SPDYE12: variants seen among roughly 807,000 people sequenced by gnomAD.
SPDYE12 encodes the protein speedy protein E12.
chr7:74,911,037 G>A, the SPDYE12 span: 1 of 634,372 alleles, frequency 1.6e-6, no homozygotes, highest in South Asian at 1.7e-5. Context: ...AGGGGAGAAT[G>A]ACTTTCACTG....
At chr7:74,912,770 C>CTT in the SPDYE12 span, among the ~76,000 whole-genome samples, 57 of 11,232 alleles carry the variant, frequency 5.1e-3, 5 homozygotes, top group Non-Finnish European at 7.1e-3. Flanking sequence ...TTTTTTTCTT[C>CTT]TTTTTTTTTT....
chr7:74,910,817 T>G, the SPDYE12 span: 1 of 1,088,134 alleles, frequency 9.2e-7, no homozygotes, highest in Non-Finnish European at 1.4e-6. Context: ...GGAACACAGT[T>G]ACATAGAGAA....
At chr7:74,908,111 G>C in the SPDYE12 span, among the ~76,000 whole-genome samples, 1 of 147,622 alleles carries the variant, frequency 6.8e-6, no homozygotes, top group Non-Finnish European at 1.5e-5. Context: ...CAGAGGCTGT[G>C]GGGTGAACCG....
chr7:74,914,931 A>G, the SPDYE12 span, among the ~76,000 whole-genome samples: 2 of 94,338 alleles, frequency 2.1e-5, no homozygotes, highest in African/African-American at 3.0e-5. Context: ...CTCAAAAAAA[A>G]AAAACAAAAA....
At chr7:74,911,028 G>C in the SPDYE12 span, 8 of 675,250 alleles carry the variant, frequency 1.2e-5, no homozygotes, top group Non-Finnish European at 1.5e-5. Flanking sequence ...GGATGGGAGA[G>C]GGGAGAATGA....
At chr7:74,909,032 G>GTTTTTTTTTTTTTTTTTTTCTTT in the SPDYE12 span, among the ~76,000 whole-genome samples, 2 of 30,334 alleles carry the variant, frequency 6.6e-5, no homozygotes, top group Non-Finnish European at 6.2e-5. Flanking sequence ...TTTTTTGCCT[G>GTTTTTTTTTTTTTTTTTTTCTTT]GTTTTTTTTT....
At chr7:74,908,661 C>CTTTTTTTTTTTTTTTT in the SPDYE12 span, among the ~76,000 whole-genome samples, 88 of 58,610 alleles carry the variant, frequency 1.5e-3, 5 homozygotes, top group Non-Finnish European at 2.0e-3. Context: ...GTTTTTTGTT[C>CTTTTTTTTTTTTTTTT]TTTTTTTTTT....
chr7:74,910,007 G>A, the SPDYE12 span, among the ~76,000 whole-genome samples: 1 of 151,150 alleles, frequency 6.6e-6, no homozygotes, highest in Admixed American at 6.6e-5. Flanking sequence ...TCATAGGGGA[G>A]GCAGGGGCCA....
the SPDYE12 span, among the ~76,000 whole-genome samples, chr7:74,910,399 C>T: frequency 2.0e-5 from 3 of 150,318 alleles, no homozygotes; most frequent in East Asian, 3.9e-4. Context: ...GACTCAAGAC[C>T]ATGGGAGCTG....
the SPDYE12 span, among the ~76,000 whole-genome samples, chr7:74,910,108 G>T: frequency 2.0e-5 from 3 of 146,752 alleles, no homozygotes; most frequent in Non-Finnish European, 3.0e-5. Context: ...GGCAGCTCAA[G>T]CCTGTGATCC....
chr7:74,909,704 A>C, the SPDYE12 span: 5 of 1,546,918 alleles, frequency 3.2e-6, no homozygotes, highest in Non-Finnish European at 4.5e-6. Context: ...GGGGCTGCCC[A>C]TCAGAGAAGG....
the SPDYE12 span, among the ~76,000 whole-genome samples, chr7:74,904,838 A>T: frequency 1.2e-3 from 185 of 149,300 alleles, no homozygotes; most frequent in African/African-American, 3.8e-3. Flanking sequence ...AATAAATAAA[A>T]TAATATTTAA....
chr7:74,910,323 A>G, the SPDYE12 span, among the ~76,000 whole-genome samples: 1 of 150,318 alleles, frequency 6.7e-6, no homozygotes, highest in South Asian at 2.1e-4. Context: ...TGATCATGCC[A>G]CTGTACTCCA....
chr7:74,907,257 G>GACCT, the SPDYE12 span, among the ~76,000 whole-genome samples: 3 of 151,114 alleles, frequency 2.0e-5, no homozygotes, highest in Non-Finnish European at 4.4e-5. Context: ...GCTGGACAGA[G>GACCT]ACCTGATCAA....
the SPDYE12 span, among the ~76,000 whole-genome samples, chr7:74,909,053 C>CTTTTTTTT: frequency 6.5e-5 from 3 of 46,272 alleles, no homozygotes; most frequent in Non-Finnish European, 1.3e-4. Context: ...TTTTTTTTGG[C>CTTTTTTTT]TTTTTTTTTT....
chr7:74,909,582 T>C, the SPDYE12 span: 25 of 1,553,236 alleles, frequency 1.6e-5, 1 homozygote, highest in East Asian at 5.4e-4. Flanking sequence ...CCGGCTGAAA[T>C]ACGCTATGAC....
At chr7:74,909,743 T>G in the SPDYE12 span, 1 of 1,114,862 alleles carries the variant, frequency 9.0e-7, no homozygotes, top group South Asian at 1.2e-5. Flanking sequence ...ACTGTGCTCA[T>G]GTGGAAATTG....
At chr7:74,906,995 C>G in the SPDYE12 span, 1 of 1,591,526 alleles carries the variant, frequency 6.3e-7, no homozygotes, top group Non-Finnish European at 8.6e-7. Flanking sequence ...AACCAAAGCT[C>G]ACGGAGCAAG....
the SPDYE12 span, among the ~76,000 whole-genome samples, chr7:74,906,253 C>T: frequency 7.7e-5 from 11 of 142,860 alleles, no homozygotes. Context: ...AAGATGTAAA[C>T]CAAAGCTTCA....
Sources: gnomAD v4.1 joint callset for allele counts (sites outside exome capture counted in the v4.1 genomes callset) on GRCh38, gnomAD v4.1.1 for gene constraint, MANE v1.5 for transcripts, NCBI Gene and HGNC (gene_info 2026-07-23, HGNC 2026-07-21) for gene names.